Variants in PIK3CD observed in about 807,000 individuals in gnomAD.
PIK3CD encodes the protein phosphatidylinositol-4,5-bisphosphate 3-kinase catalytic subunit delta.
In PIK3CD, 20 loss-of-function variants were observed where a neutral mutation model predicts 122.9. The observed-to-expected ratio is 0.16, with a 90% confidence interval of 0.11 to 0.24. The LOEUF (loss-of-function observed/expected upper bound fraction) is 0.24, where lower values mean the gene tolerates loss of function less well. PIK3CD is among the 10% of genes least tolerant of loss of function. The pLI is 1.00. For synonymous variants in PIK3CD, 596 were observed against 593.4 expected (o/e 1.00, Z -0.06); for missense variants, 787 against 1,406.3 (o/e 0.56, Z 7.04).
the PIK3CD span, among the ~76,000 whole-genome samples, chr1:9,635,510 C>T: frequency 6.6e-6 from 1 of 152,184 alleles, no homozygotes; most frequent in Admixed American, 6.6e-5. Flanking sequence ...AACACTAACT[C>T]TATTCCCTTG....
At chr1:9,656,807 G>T (rs1174386395) in intron 1 of PIK3CD, among the ~76,000 whole-genome samples, 2 of 152,066 alleles carry the variant, frequency 1.3e-5, no homozygotes, top group Admixed American at 6.5e-5. Flanking sequence ...GCCAGGCGTG[G>T]TGGCACGTGC....
At chr1:9,697,933 T>C (rs1281655574) in intron 2 of PIK3CD, among the ~76,000 whole-genome samples, 2 of 151,486 alleles carry the variant, frequency 1.3e-5, no homozygotes, top group African/African-American at 4.9e-5. Flanking sequence ...TTGGGAGCTG[T>C]GATGAGAGGA....
At chr1:9,688,017 C>T (rs114532608) in intron 1 of PIK3CD, among the ~76,000 whole-genome samples, 285 of 152,314 alleles carry the variant, frequency 1.9e-3, no homozygotes, top group African/African-American at 6.5e-3. Context: ...CCTGGCTGCG[C>T]GCGCCCTGGC....
chr1:9,642,716 CAAAA>C, the PIK3CD span, among the ~76,000 whole-genome samples: 1 of 70,130 alleles, frequency 1.4e-5, no homozygotes. Context: ...GACTCTGTCT[CAAAA>C]AAAAAAAAAA....
At chr1:9,676,462 T>C (rs762974304) in intron 1 of PIK3CD, among the ~76,000 whole-genome samples, 5 of 152,358 alleles carry the variant, frequency 3.3e-5, no homozygotes, top group Non-Finnish European at 7.3e-5. Context: ...CTCTGGTGCC[T>C]GGCCCTTCCC....
At chr1:9,690,724 T>C (rs574450781) in intron 1 of PIK3CD, among the ~76,000 whole-genome samples, 15 of 152,330 alleles carry the variant, frequency 9.8e-5, no homozygotes, top group Non-Finnish European at 1.8e-4. Context: ...AGCGGGTTCC[T>C]AGGGCTCTGC....
At chr1:9,658,520 C>CGTT (rs1557593016) in intron 1 of PIK3CD, among the ~76,000 whole-genome samples, 1 of 106,652 alleles carries the variant, frequency 9.4e-6, no homozygotes, top group African/African-American at 4.4e-5. Context: ...TTCCCAGCCA[C>CGTT]ATTTTTTTTT....
rs191510771 is a variant in PIK3CD, at chr1:9,656,214, C to T, written c.-138+4412C>T. ...TGGGATTTTTGGTCCTGGAGGGATG[C>T]TGTACGGGTTAAGTATCCCTTATCC... On this transcript the variant is annotated intron_variant, in intron 1 of 23. Coordinates refer to ENST00000377346, the MANE Select transcript of PIK3CD (RefSeq NM_005026.5). Among the ~76,000 whole-genome samples, 11 of 152,210 alleles carry T rather than the reference C, an allele frequency of 7.2e-5. No individual in the cohort carries two copies. The East Asian group carries it at 9.7e-4, about 13-fold the overall frequency.
chr1:9,659,434 G>A (rs76380398), intron 1 of PIK3CD, among the ~76,000 whole-genome samples: 2,536 of 152,162 alleles, frequency 0.017, 69 homozygotes, highest in African/African-American at 0.056. Context: ...TTCTAAGAGC[G>A]CAGTTCTGTG....
intron 1 of PIK3CD, among the ~76,000 whole-genome samples, chr1:9,675,365 C>A (rs1427487459): frequency 7.6e-6 from 1 of 132,446 alleles, no homozygotes; most frequent in Non-Finnish European, 1.6e-5. Flanking sequence ...CCACCTGGGC[C>A]ACAGAGCGAG....
At chr1:9,688,588 G>A (rs1234255906) in intron 1 of PIK3CD, among the ~76,000 whole-genome samples, 2 of 152,178 alleles carry the variant, frequency 1.3e-5, no homozygotes, top group Non-Finnish European at 2.9e-5. Context: ...ACTTTGGGAG[G>A]CTGACGCGGT....
In PIK3CD at chr1:9,687,346, G is replaced by T. The variant is rs1369811500; in HGVS notation, c.-137-4121G>T. On this transcript the variant is annotated intron_variant, in intron 1 of 23. Transcript: ENST00000377346. Reference sequence around the variant, plus strand: ...ATCATTGTACTTACCAGGTTGGGGGGCTCTGCACCCAGAACTCCTCCCAGC... The same window carrying T: ...ATCATTGTACTTACCAGGTTGGGGGTCTCTGCACCCAGAACTCCTCCCAGC... 2.6e-5 allele frequency: 4 copies of T among 152,216 alleles called. No homozygotes were observed. The South Asian group carries it at 6.2e-4, about 24-fold the overall frequency. 9.4% of individuals were successfully genotyped at this position (152,216 alleles called of 1,614,324 possible). A position where few individuals can be genotyped will look rare whatever the true frequency, so the allele number is the denominator to read the frequency against.
the PIK3CD span, among the ~76,000 whole-genome samples, chr1:9,627,272 G>A: frequency 7.9e-5 from 12 of 152,242 alleles, no homozygotes; most frequent in African/African-American, 2.4e-4. Flanking sequence ...GACGCCGGCT[G>A]GGCGACCTAA....
At chr1:9,666,017 C>G (rs148292625) in intron 1 of PIK3CD, among the ~76,000 whole-genome samples, 2,198 of 152,258 alleles carry the variant, frequency 0.014, 49 homozygotes, top group African/African-American at 0.049. Context: ...ACCTCCTTCT[C>G]CTGGCTTCAA....
intron 1 of PIK3CD, among the ~76,000 whole-genome samples, chr1:9,656,942 CAAAAAAAAAA>C (rs56008596): frequency 6.1e-5 from 7 of 115,012 alleles, no homozygotes; most frequent in Admixed American, 3.4e-4. Context: ...GACTCCATCT[CAAAAAAAAAA>C]AAAAAAAAAA....
the PIK3CD span, among the ~76,000 whole-genome samples, chr1:9,643,198 C>T: frequency 2.6e-5 from 4 of 152,084 alleles, no homozygotes; most frequent in East Asian, 1.9e-4. Flanking sequence ...CACCGGAGGT[C>T]GGGAGTTCGA....
intron 1 of PIK3CD, among the ~76,000 whole-genome samples, chr1:9,655,440 C>T (rs1450267713): frequency 2.4e-5 from 2 of 81,756 alleles, no homozygotes; most frequent in African/African-American, 1.1e-4. Context: ...AACCCAGGAA[C>T]CCCCCGCCCC....
intron 2 of PIK3CD, among the ~76,000 whole-genome samples, chr1:9,706,342 A>G (rs1032814316): frequency 1.3e-5 from 2 of 149,742 alleles, no homozygotes; most frequent in African/African-American, 5.0e-5. Context: ...AAAAAAAAAA[A>G]GTTAGCAGGG....
chr1:9,666,658 A>G (rs1329406791), intron 1 of PIK3CD, among the ~76,000 whole-genome samples: 1 of 152,102 alleles, frequency 6.6e-6, no homozygotes, highest in Non-Finnish European at 1.5e-5. Context: ...CCTGGGCAAC[A>G]TAGTGAGACC....
Sources: allele counts gnomAD v4.1 joint callset (sites outside exome capture counted in the v4.1 genomes callset), GRCh38; gene constraint gnomAD v4.1.1; transcripts MANE v1.5; gene names NCBI Gene and HGNC (gene_info 2026-07-23, HGNC 2026-07-21).